The following ENTREP1 variants were observed in gnomAD, a reference collection of about 807,000 sequenced individuals.
The protein encoded by ENTREP1 is Friedreich ataxia region gene X123.
chr9:69,340,737 G>A, the ENTREP1 span, among the ~76,000 whole-genome samples: 2 of 136,120 alleles, frequency 1.5e-5, no homozygotes, highest in Non-Finnish European at 3.2e-5. Flanking sequence ...GTGTGTGTAT[G>A]TGTGTGTGTT....
chr9:69,367,679 A>AT, the ENTREP1 span, among the ~76,000 whole-genome samples: 20 of 131,398 alleles, frequency 1.5e-4, no homozygotes, highest in South Asian at 9.5e-4. Context: ...ACACATATAT[A>AT]AATATATATA....
At chr9:69,389,325 T>G in the ENTREP1 span, among the ~76,000 whole-genome samples, 5 of 152,214 alleles carry the variant, frequency 3.3e-5, no homozygotes, top group African/African-American at 1.2e-4. Context: ...AACTTCAGGA[T>G]GTAGGTAAAT....
the ENTREP1 span, chr9:69,387,740 GC>G: frequency 2.4e-6 from 1 of 412,220 alleles, no homozygotes. Flanking sequence ...TCTCTCTTCA[GC>G]CCCTTCCTCT....
the ENTREP1 span, among the ~76,000 whole-genome samples, chr9:69,339,429 G>A: frequency 1.3e-5 from 2 of 152,144 alleles, no homozygotes; most frequent in Non-Finnish European, 1.5e-5. Flanking sequence ...TTTAAGAGTA[G>A]CATCCCTGTG....
chr9:69,383,902 G>A, the ENTREP1 span: 2 of 1,575,132 alleles, frequency 1.3e-6, no homozygotes, highest in South Asian at 1.1e-5. Flanking sequence ...AATGAGGGGT[G>A]AGTTAAACAT....
the ENTREP1 span, chr9:69,375,984 G>A: frequency 4.2e-5 from 42 of 1,008,734 alleles, no homozygotes; most frequent in South Asian, 5.0e-4. Flanking sequence ...TGCTGAAAGC[G>A]CATGTGAGTG....
At chr9:69,353,086 G>A in the ENTREP1 span, among the ~76,000 whole-genome samples, 133,229 of 152,172 alleles carry the variant, frequency 0.88, 58,615 homozygotes, top group African/African-American at 0.96. Context: ...GCAGTGAGCC[G>A]TGATCGCACC....
At chr9:69,325,299 C>A in the ENTREP1 span, 11 of 1,183,794 alleles carry the variant, frequency 9.3e-6, no homozygotes, top group Non-Finnish European at 1.1e-5. Flanking sequence ...CGCACCCTTC[C>A]CCGTCCGTCC....
the ENTREP1 span, among the ~76,000 whole-genome samples, chr9:69,369,847 T>A: frequency 3.0e-4 from 46 of 152,342 alleles, no homozygotes; most frequent in East Asian, 7.5e-3. Flanking sequence ...TTTTTATGTG[T>A]CTGTATGAAA....
At chr9:69,388,009 CT>C in the ENTREP1 span, 4 of 1,540,568 alleles carry the variant, frequency 2.6e-6, no homozygotes, top group South Asian at 3.6e-5. Context: ...GTTTTCCCTC[CT>C]TCTGCAAGAT....
At chr9:69,360,781 A>T in the ENTREP1 span, among the ~76,000 whole-genome samples, 1 of 152,076 alleles carries the variant, frequency 6.6e-6, no homozygotes, top group African/African-American at 2.4e-5. Context: ...TGTTTCCTGG[A>T]TTCCATAGCT....
chr9:69,355,355 C>G, the ENTREP1 span, among the ~76,000 whole-genome samples: 1 of 152,168 alleles, frequency 6.6e-6, no homozygotes, highest in Non-Finnish European at 1.5e-5. Context: ...AATGGACTCT[C>G]AAGCTTTATT....
chr9:69,388,532 A>G, the ENTREP1 span: 4 of 1,066,222 alleles, frequency 3.8e-6, no homozygotes, highest in East Asian at 1.0e-4. Context: ...TTTCTTGTCC[A>G]AGGCAGAGTA....
the ENTREP1 span, among the ~76,000 whole-genome samples, chr9:69,362,901 G>A: frequency 1.3e-5 from 2 of 152,108 alleles, no homozygotes; most frequent in East Asian, 1.9e-4. Flanking sequence ...GGCTCAGACC[G>A]GCTTCCTTGC....
the ENTREP1 span, among the ~76,000 whole-genome samples, chr9:69,340,762 C>A: frequency 2.5e-4 from 1 of 3,958 alleles, no homozygotes; most frequent in Non-Finnish European, 5.6e-4. Context: ...TGTGTGCGTG[C>A]ATGTGTGTGT....
At chr9:69,386,142 G>T in the ENTREP1 span, 2 of 454,424 alleles carry the variant, frequency 4.4e-6, no homozygotes, top group Non-Finnish European at 7.2e-6. Flanking sequence ...TTTTAAGGAT[G>T]GTAGGGTTTT....
the ENTREP1 span, chr9:69,384,049 T>G: frequency 6.5e-7 from 1 of 1,535,252 alleles, no homozygotes; most frequent in East Asian, 2.2e-5. Flanking sequence ...TGTGACATGA[T>G]TCAGTAGATT....
the ENTREP1 span, among the ~76,000 whole-genome samples, chr9:69,358,432 C>A: frequency 6.6e-6 from 1 of 152,142 alleles, no homozygotes; most frequent in Non-Finnish European, 1.5e-5. Context: ...CTCATTCATT[C>A]AGTATTATTT....
At chr9:69,391,902 C>A in the ENTREP1 span, 1 of 1,188,606 alleles carries the variant, frequency 8.4e-7, no homozygotes, top group Non-Finnish European at 1.2e-6. Flanking sequence ...AAAAGGAGCA[C>A]TCTGGAGGAC....
Sources: allele counts gnomAD v4.1 joint callset (sites outside exome capture counted in the v4.1 genomes callset), GRCh38; gene constraint gnomAD v4.1.1; transcripts MANE v1.5; gene names NCBI Gene and HGNC (gene_info 2026-07-23, HGNC 2026-07-21).